The following TRAM2 variants were observed in gnomAD, a reference collection of about 807,000 sequenced individuals.
The protein encoded by TRAM2 is translocation associated membrane protein 2.
A neutral mutation model predicts 51.0 loss-of-function variants in TRAM2; 12 were observed. That is an observed-to-expected ratio of 0.24 (90% CI 0.15 to 0.38). TRAM2 has a LOEUF of 0.38. Among genes scored for constraint, TRAM2 ranks in the 10% least tolerant of loss-of-function variants. TRAM2 has a pLI of 1.00. For synonymous variants in TRAM2, 175 were observed against 179.4 expected (o/e 0.98, Z 0.20); for missense variants, 361 against 462.0 (o/e 0.78, Z 2.00).
At chr6:52,520,223 AG>A (rs1293186258) in intron 2 of TRAM2, among the ~76,000 whole-genome samples, 28 of 152,274 alleles carry the variant, frequency 1.8e-4, no homozygotes, top group African/African-American at 6.7e-4. Context: ...GGGGGTGTGG[AG>A]CAGAAGGTTG....
At chr6:52,543,798 G>A (rs1307869320) in intron 1 of TRAM2, among the ~76,000 whole-genome samples, 1 of 152,126 alleles carries the variant, frequency 6.6e-6, no homozygotes, top group African/African-American at 2.4e-5. Flanking sequence ...AACAAGAGTG[G>A]GTGCCAGGGA....
In TRAM2 at chr6:52,516,789, T is replaced by C. The variant is rs1161248289; in HGVS notation, c.185-52A>G. ...GCATCCCTGGGGGAAGGAAATACTC[T>C]GGGACCCAAAACTGAAATGAGATGG... On this transcript the variant is annotated intron_variant, in intron 2 of 10. Transcript: ENST00000182527. 5 of 1,433,570 alleles carry C rather than the reference T, an allele frequency of 3.5e-6. No homozygotes were observed. The East Asian group carries it at 1.1e-4, about 33-fold the overall frequency. 88.8% of individuals were successfully genotyped at this position (1,433,570 alleles called of 1,614,324 possible).
chr6:52,523,040 G>C (rs1766706083), intron 2 of TRAM2: 2 of 622,616 alleles, frequency 3.2e-6, no homozygotes, highest in Admixed American at 2.9e-5. Flanking sequence ...GCCAGGGCAG[G>C]CATCTGCCCT....
chr6:52,572,407 C>T (rs1163010598), intron 1 of TRAM2, among the ~76,000 whole-genome samples: 1 of 152,180 alleles, frequency 6.6e-6, no homozygotes, highest in African/African-American at 2.4e-5. Flanking sequence ...AGTTCAAGAC[C>T]AGCCTAGCCA....
At chr6:52,539,321 G>T (rs1017919826) in intron 1 of TRAM2, among the ~76,000 whole-genome samples, 3 of 152,268 alleles carry the variant, frequency 2.0e-5, no homozygotes, top group African/African-American at 7.2e-5. Context: ...GTGAGTGTTG[G>T]GCAACCCAAA....
intron 1 of TRAM2, among the ~76,000 whole-genome samples, chr6:52,572,532 G>C (rs1767697767): frequency 6.6e-6 from 1 of 152,246 alleles, no homozygotes; most frequent in Non-Finnish European, 1.5e-5. Context: ...GAACCTGGGA[G>C]GCGGAGGCTG....
intron 6 of TRAM2, 116 bp from the exon 7 acceptor site, chr6:52,507,739 C>A: frequency 1.1e-6 from 1 of 933,940 alleles, no homozygotes. Context: ...TGCTTTAACA[C>A]ACAGTCCCAT....
chr6:52,544,903 C>T (rs1182677826), intron 1 of TRAM2, among the ~76,000 whole-genome samples: 1 of 152,154 alleles, frequency 6.6e-6, no homozygotes, highest in Non-Finnish European at 1.5e-5. Flanking sequence ...CCACACTTTG[C>T]CACAAACCAG....
chr6:52,507,035 A>G lies in TRAM2; in HGVS notation c.626+518T>C, dbSNP rs147067351. Among the ~76,000 whole-genome samples the G allele has an allele frequency of 9.3e-4, 142 of 152,334 alleles. 1 individual carries two copies. The highest frequency in any genetic ancestry group is 3.4e-3 in the Middle Eastern group (1 of 294). On this transcript the variant is annotated intron_variant, in intron 7 of 10. Coordinates refer to ENST00000182527, the MANE Select transcript of TRAM2 (RefSeq NM_012288.4). ...TTAACATCAAAAGGATTCTTTTCAT[A>G]AAAGAGGCTCTTCGAGAACTAATAT...
At chr6:52,560,292 G>A (rs1177978241) in intron 1 of TRAM2, among the ~76,000 whole-genome samples, 1 of 151,834 alleles carries the variant, frequency 6.6e-6, no homozygotes, top group East Asian at 1.9e-4. Flanking sequence ...AAAGTTGAAA[G>A]CTGAAGTCTT....
intron 10 of TRAM2, 37 bp downstream of exon 10, chr6:52,504,554 C>T (rs761807218): frequency 1.7e-5 from 27 of 1,612,474 alleles, no homozygotes; most frequent in Non-Finnish European, 2.3e-5. Context: ...GACAGACTTC[C>T]CTGGCTCCAC....
At position 52,565,294 on chromosome 6, in the gene TRAM2, C is replaced by T. The variant is rs529206446; in HGVS notation, c.120+11502G>A. Among the ~76,000 whole-genome samples, 57 of 152,186 alleles carry T rather than the reference C, an allele frequency of 3.7e-4. 1 individual carries two copies. The highest frequency in any genetic ancestry group is 3.4e-3 in the Middle Eastern group (1 of 294). On this transcript the variant is annotated intron_variant, in intron 1 of 10. Transcript: ENST00000182527. ...CCATTTAGGTGAGGAATATCAAATG[C>T]CCAAGCTAAAACAAAAGATCATTAG...
intron 6 of TRAM2, 85 bp from the exon 7 acceptor site, chr6:52,507,708 G>C (rs1766375023): frequency 1.5e-6 from 2 of 1,355,368 alleles, no homozygotes; most frequent in African/African-American, 2.8e-5. Context: ...GGGGATGAGA[G>C]AGGGCCAGGC....
intron 2 of TRAM2, among the ~76,000 whole-genome samples, chr6:52,535,262 T>A (rs1766959316): frequency 6.6e-6 from 1 of 152,198 alleles, no homozygotes; most frequent in South Asian, 2.1e-4. Flanking sequence ...AAGCACCACG[T>A]GGTGCAGCAG....
At chr6:52,536,157 A>G (rs1455931399) in intron 1 of TRAM2, among the ~76,000 whole-genome samples, 1 of 152,324 alleles carries the variant, frequency 6.6e-6, no homozygotes, top group South Asian at 2.1e-4. Context: ...GTTCATTCAG[A>G]TATTTATCAG....
At chr6:52,512,614 T>G (rs1190455241) in intron 4 of TRAM2, among the ~76,000 whole-genome samples, 1 of 152,076 alleles carries the variant, frequency 6.6e-6, no homozygotes, top group African/African-American at 2.4e-5. Flanking sequence ...CAGCAGATGG[T>G]TTGGAGAGGC....
chr6:52,517,401 TTTG>T (rs1766571819), intron 2 of TRAM2: 1 of 152,272 alleles, frequency 6.6e-6, no homozygotes, highest in Admixed American at 6.5e-5. Context: ...TGCTATTATT[TTTG>T]TTGTTGGGCT....
intron 9 of TRAM2, 72 bp from the exon 10 acceptor site, chr6:52,504,826 G>A: frequency 6.9e-7 from 1 of 1,449,466 alleles, no homozygotes; most frequent in East Asian, 2.5e-5. Flanking sequence ...GTGCAGGGGA[G>A]AACAAGGGCC....
chr6:52,572,537 A>G (rs2114112077), intron 1 of TRAM2, among the ~76,000 whole-genome samples: 1 of 152,318 alleles, frequency 6.6e-6, no homozygotes, highest in Admixed American at 6.5e-5. Context: ...TGGGAGGCGG[A>G]GGCTGCAGTG....
Sources: allele counts gnomAD v4.1 joint callset (sites outside exome capture counted in the v4.1 genomes callset), GRCh38; gene constraint gnomAD v4.1.1; transcripts MANE v1.5; gene names NCBI Gene and HGNC (gene_info 2026-07-23, HGNC 2026-07-21).